The following KIAA2012 variants were observed in gnomAD, a reference collection of about 807,000 sequenced individuals.
KIAA2012 encodes the protein uncharacterized protein KIAA2012.
Under a neutral mutation model 150.6 loss-of-function variants are expected in KIAA2012, and 125 were observed. The observed-to-expected ratio is 0.83, with a 90% CI of 0.72 to 0.96. KIAA2012 has a LOEUF of 0.96. Among genes scored for constraint, KIAA2012 ranks in the 40% least tolerant of loss-of-function variants. KIAA2012 has a pLI of 0.00. For synonymous variants in KIAA2012, 462 were observed against 504.7 expected, an observed-to-expected ratio of 0.92 and a Z score of 1.13; for missense variants, 1,219 against 1,354.9, an observed-to-expected ratio of 0.90 and a Z score of 1.57.
intron 1 of KIAA2012, among the ~76,000 whole-genome samples, chr2:202,074,049 T>C (rs1689267916): frequency 6.6e-6 from 1 of 152,080 alleles, no homozygotes; most frequent in African/African-American, 2.4e-5. Flanking sequence ...TTTTTGGAAG[T>C]CGTGCTCTGC....
chr2:202,183,837 C>A (rs1692173640), intron 15 of KIAA2012, among the ~76,000 whole-genome samples: 2 of 152,056 alleles, frequency 1.3e-5, no homozygotes, highest in East Asian at 1.9e-4. Flanking sequence ...ATGTTATAAC[C>A]TTTAAGAAAA....
rs115209161 is a variant in KIAA2012 at position 202,133,163 on chromosome 2, C to T, written c.1832-5269C>T. ...TTTTTCTGGAGAATGGAGACCACCA[C>T]GTGAATGACATTTGCTGGCTGTTTT... On this transcript the variant is annotated intron_variant, in intron 12 of 23. Transcript: ENST00000498697. 1.7e-3 allele frequency among the ~76,000 whole-genome samples: 229 copies of T among 135,686 alleles called. 1 individual carries two copies. Among genetic ancestry groups the T allele is most frequent in the Non-Finnish European group, 3.0e-3 (195 of 63,938 alleles). The allele number at this position is 135,686 out of a possible 152,430, so 89.0% of individuals were successfully genotyped here. A position where few individuals can be genotyped will look rare whatever the true frequency, so the allele number is the denominator to read the frequency against.
intron 18 of KIAA2012, among the ~76,000 whole-genome samples, chr2:202,188,764 A>T (rs1366444689): frequency 6.6e-6 from 1 of 152,188 alleles, no homozygotes; most frequent in Non-Finnish European, 1.5e-5. Context: ...ATATCACATA[A>T]TCAGAGTATT....
At chr2:202,092,153 A>G (rs557327697) in intron 3 of KIAA2012, among the ~76,000 whole-genome samples, 2 of 152,322 alleles carry the variant, frequency 1.3e-5, no homozygotes, top group East Asian at 3.9e-4. Context: ...TATGGCTAAA[A>G]TGTGTGGTTT....
At chr2:202,195,963 T>G (rs1311715343) in intron 21 of KIAA2012, among the ~76,000 whole-genome samples, 1 of 152,150 alleles carries the variant, frequency 6.6e-6, no homozygotes, top group Non-Finnish European at 1.5e-5. Context: ...GTATCTTGGC[T>G]GTTGGGAAGA....
At chr2:202,119,493 C>T (rs139859997) in intron 11 of KIAA2012, among the ~76,000 whole-genome samples, 6 of 152,166 alleles carry the variant, frequency 3.9e-5, no homozygotes, top group East Asian at 1.9e-4. Flanking sequence ...TAGGCATCAC[C>T]GTCATCAGTA....
chr2:202,107,343 G>A (rs1235935375), intron 9 of KIAA2012, among the ~76,000 whole-genome samples: 1 of 151,966 alleles, frequency 6.6e-6, no homozygotes, highest in Non-Finnish European at 1.5e-5. Context: ...TGAGGCAGAG[G>A]CTTATTTGGT....
chr2:202,184,896 T>C (rs897727840), intron 16 of KIAA2012, 53 bp downstream of exon 16: 21 of 1,444,622 alleles, frequency 1.5e-5, no homozygotes, highest in Non-Finnish European at 1.9e-5. Flanking sequence ...ATTTTGTTTG[T>C]ATTTTTAATT....
chr2:202,114,919 A>C (rs1317180483), intron 11 of KIAA2012: 3 of 167,496 alleles, frequency 1.8e-5, no homozygotes, highest in Non-Finnish European at 4.4e-5. Flanking sequence ...TGAATGAGTT[A>C]GCCACTGACC....
intron 18 of KIAA2012, among the ~76,000 whole-genome samples, chr2:202,189,393 G>A (rs1169962459): frequency 6.6e-6 from 1 of 151,698 alleles, no homozygotes; most frequent in Non-Finnish European, 1.5e-5. Context: ...CTGGGTTCAA[G>A]CAATTCTTCT....
chr2:202,146,602 A>C (rs1015405591), intron 13 of KIAA2012, among the ~76,000 whole-genome samples: 33 of 143,122 alleles, frequency 2.3e-4, no homozygotes, highest in Non-Finnish European at 3.6e-4. Context: ...ACTGCACTCC[A>C]GCCTGGGTGA....
chr2:202,196,186 CTTTTT>C (rs869092899), intron 21 of KIAA2012, among the ~76,000 whole-genome samples: 17 of 79,674 alleles, frequency 2.1e-4, no homozygotes, highest in Admixed American at 1.7e-3. Flanking sequence ...CTTTTCTTTT[CTTTTT>C]TTTTTTTTTT....
chr2:202,085,878 G>A (rs1417147651), intron 2 of KIAA2012, among the ~76,000 whole-genome samples: 2 of 152,028 alleles, frequency 1.3e-5, no homozygotes. Flanking sequence ...CTTCAGAAAT[G>A]CCCACTAATG....
intron 15 of KIAA2012, among the ~76,000 whole-genome samples, chr2:202,171,138 C>G (rs112351514): frequency 1.4e-5 from 2 of 145,288 alleles, no homozygotes; most frequent in Admixed American, 6.9e-5. Context: ...CACACACACA[C>G]ACAGACATAT....
intron 10 of KIAA2012, among the ~76,000 whole-genome samples, chr2:202,111,282 G>C (rs1690342778): frequency 6.7e-6 from 1 of 148,760 alleles, no homozygotes; most frequent in Admixed American, 6.8e-5. Context: ...GGATCACAAG[G>C]TCAGGAGTTC....
intron 15 of KIAA2012, among the ~76,000 whole-genome samples, chr2:202,171,163 A>C (rs908794582): frequency 6.7e-6 from 1 of 149,772 alleles, no homozygotes; most frequent in African/African-American, 2.5e-5. Flanking sequence ...ACACACATTC[A>C]TACATAGACA....
At chr2:202,139,984 C>G (rs1227106268) in intron 13 of KIAA2012, among the ~76,000 whole-genome samples, 1 of 152,120 alleles carries the variant, frequency 6.6e-6, no homozygotes, top group Non-Finnish European at 1.5e-5. Flanking sequence ...AATCCCAGCA[C>G]TTTGGGAGGC....
chr2:202,085,340 C>A (rs192726381), intron 2 of KIAA2012, among the ~76,000 whole-genome samples: 1 of 152,070 alleles, frequency 6.6e-6, no homozygotes, highest in African/African-American at 2.4e-5. Context: ...TAGATGGCCT[C>A]GAAATGGGGA....
chr2:202,193,350 G>A lies in KIAA2012; in HGVS notation c.2861G>A (p.Arg954Gln), dbSNP rs1185326484. 15 of 1,550,000 alleles carry A rather than the reference G, an allele frequency of 9.7e-6. No individual in the cohort carries two copies. The highest frequency in any genetic ancestry group is 4.8e-5 in the South Asian group (4 of 84,022). Reference sequence around the variant, plus strand: ...GAGAAGGCTTCCTGGGACAGGCTTCGAGCAGAAAGAGCCGAGATGAGGTGG... The same window carrying A: ...GAGAAGGCTTCCTGGGACAGGCTTCAAGCAGAAAGAGCCGAGATGAGGTGG... The part of the protein sequence containing the change: ...EQEKASWDRL[R>Q]AERAEMRWLE... Residue 954 changes from arginine to glutamine, a missense_variant, in exon 20 of 24, where the codon CGA becomes CAA. Coordinates refer to ENST00000498697, the MANE Select transcript of KIAA2012 (RefSeq NM_001277372.4).
Sources: gnomAD v4.1 joint callset for allele counts (sites outside exome capture counted in the v4.1 genomes callset) on GRCh38, gnomAD v4.1.1 for gene constraint, MANE v1.5 for transcripts, NCBI Gene and HGNC (gene_info 2026-07-23, HGNC 2026-07-21) for gene names.